The following IGSF11 variants were observed in gnomAD, a reference collection of about 807,000 sequenced individuals.
IGSF11 encodes the protein immunoglobulin superfamily member 11, also known as CXADR like 1.
IGSF11 carries 22 observed loss-of-function variants against 41.0 expected under a neutral mutation model. The observed-to-expected ratio is 0.54, with a 90% CI of 0.38 to 0.77. The LOEUF is 0.77. Ranked by LOEUF, IGSF11 falls within the 30% of genes least tolerant of loss-of-function variation. The pLI, the probability that IGSF11 is intolerant of heterozygous loss-of-function variation, is 0.00. For synonymous variants in IGSF11, 219 were observed against 201.3 expected (o/e 1.09, Z -0.74); for missense variants, 444 against 530.8 (o/e 0.84, Z 1.61).
chr3:118,961,015 T>C (rs1235438805), intron 1 of IGSF11, among the ~76,000 whole-genome samples: 1 of 152,144 alleles, frequency 6.6e-6, no homozygotes, highest in Non-Finnish European at 1.5e-5. Flanking sequence ...GTTTAAATGA[T>C]CCCCTTTGGA....
intron 1 of IGSF11, among the ~76,000 whole-genome samples, chr3:118,987,349 A>G (rs149739369): frequency 3.4e-4 from 52 of 152,308 alleles, no homozygotes; most frequent in Non-Finnish European, 4.4e-4. Flanking sequence ...CACGACACCC[A>G]CATATATTCT....
chr3:118,905,608 G>A lies in IGSF11; in HGVS notation c.691C>T (p.Gln231Ter). ...TCCATATGCTTACGTGAAATAACCT[G>A]GAGATCCAGAAGACAGGTGCTGGTT... ...IGTSTCLLDLQVISPQPRNIG... is the reference protein window; with the variant it reads ...IGTSTCLLDL The change falls in exon 5 of 7, where the codon CAG becomes TAG. Residue 231 changes from glutamine to a stop codon, truncating the protein, a stop_gained. Coordinates refer to ENST00000393775, the MANE Select transcript of IGSF11 (RefSeq NM_001015887.3). LOFTEE classifies it high-confidence loss of function. The A allele has an allele frequency of 6.2e-7, 1 of 1,613,798 alleles. No individual in the cohort carries two copies. The highest frequency in any genetic ancestry group is 8.5e-7 in the Non-Finnish European group (1 of 1,179,782).
intron 1 of IGSF11, among the ~76,000 whole-genome samples, chr3:119,095,770 T>C (rs1240032429): frequency 6.6e-6 from 1 of 152,162 alleles, no homozygotes; most frequent in Non-Finnish European, 1.5e-5. Context: ...TTCAGCACTT[T>C]CACAGTTAGC....
At chr3:119,048,744 C>G (rs531939706) in intron 1 of IGSF11, among the ~76,000 whole-genome samples, 14 of 152,016 alleles carry the variant, frequency 9.2e-5, no homozygotes, top group Non-Finnish European at 1.3e-4. Context: ...TGCAAAAATC[C>G]TCAATAAAAT....
intron 1 of IGSF11, among the ~76,000 whole-genome samples, chr3:119,070,030 T>C (rs1453929090): frequency 1.3e-5 from 2 of 152,188 alleles, no homozygotes; most frequent in African/African-American, 2.4e-5. Context: ...TTGGGAAATA[T>C]ATTCCGTTTA....
chr3:119,111,116 T>C (rs556231622), intron 1 of IGSF11, among the ~76,000 whole-genome samples: 1 of 152,200 alleles, frequency 6.6e-6, no homozygotes, highest in African/African-American at 2.4e-5. Context: ...TCTCTGTATT[T>C]CCTGTATCTG....
intron 1 of IGSF11, among the ~76,000 whole-genome samples, chr3:119,058,536 C>G (rs567025475): frequency 0.013 from 2,004 of 152,260 alleles, 46 homozygotes; most frequent in African/African-American, 0.045. Context: ...GGACTGTAAA[C>G]TAGTTCAACC....
chr3:118,976,066 T>C (rs1934065096), intron 1 of IGSF11, among the ~76,000 whole-genome samples: 1 of 152,128 alleles, frequency 6.6e-6, no homozygotes, highest in Non-Finnish European at 1.5e-5. Flanking sequence ...AACCGATACA[T>C]GAAATAGAAG....
chr3:119,001,155 G>A (rs916697478), intron 1 of IGSF11, among the ~76,000 whole-genome samples: 7 of 151,206 alleles, frequency 4.6e-5, no homozygotes, highest in Non-Finnish European at 8.8e-5. Flanking sequence ...TCCTTCAATT[G>A]GCACTTAGTC....
At chr3:119,007,339 A>G (rs1937569954) in intron 1 of IGSF11, among the ~76,000 whole-genome samples, 2 of 139,290 alleles carry the variant, frequency 1.4e-5, no homozygotes, top group Non-Finnish European at 3.0e-5. Context: ...CGGTGCGCGC[A>G]CTCACTGGCC....
chr3:118,983,923 C>T (rs1361940316), intron 1 of IGSF11, among the ~76,000 whole-genome samples: 1 of 152,018 alleles, frequency 6.6e-6, no homozygotes. Flanking sequence ...TGGCACATTT[C>T]CTCTCAGGTC....
chr3:119,056,723 A>G (rs1055824327), intron 1 of IGSF11, among the ~76,000 whole-genome samples: 1 of 152,214 alleles, frequency 6.6e-6, no homozygotes, highest in Non-Finnish European at 1.5e-5. Context: ...AAAAGTCTCA[A>G]TAAAATACTG....
chr3:118,973,366 A>C (rs1276307234), intron 1 of IGSF11, among the ~76,000 whole-genome samples: 1 of 152,198 alleles, frequency 6.6e-6, no homozygotes, highest in Non-Finnish European at 1.5e-5. Context: ...GTCCCCTCAA[A>C]ACTAGGGAAA....
chr3:118,993,718 C>T (rs1015922247), intron 1 of IGSF11, among the ~76,000 whole-genome samples: 23 of 152,170 alleles, frequency 1.5e-4, no homozygotes, highest in African/African-American at 4.1e-4. Flanking sequence ...ATGGATGAAC[C>T]TTGAAAACAT....
chr3:118,984,484 G>A (rs945308056), intron 1 of IGSF11, among the ~76,000 whole-genome samples: 4 of 152,250 alleles, frequency 2.6e-5, no homozygotes, highest in Non-Finnish European at 5.9e-5. Flanking sequence ...TATGAATTGG[G>A]AGTAGGGTAT....
intron 1 of IGSF11, among the ~76,000 whole-genome samples, chr3:119,123,007 G>T (rs2077353970): frequency 6.6e-6 from 1 of 152,178 alleles, no homozygotes; most frequent in Admixed American, 6.5e-5. Context: ...TTAGGTACTA[G>T]CTCAGCCACA....
At chr3:118,904,452 T>C (rs1314135677) in intron 6 of IGSF11, among the ~76,000 whole-genome samples, 196 bp downstream of exon 6, 1 of 152,134 alleles carries the variant, frequency 6.6e-6, no homozygotes, top group East Asian at 1.9e-4. Context: ...GCTGGACCTT[T>C]CCCTCCTTCA....
rs189993578 is a variant in IGSF11, at chr3:118,987,898, A to G, written c.52+46633T>C. ...ACCACAACTTTCATCTGTTTTACAC[A>G]TGCATATGACTGATCACCATTACTC... On this transcript the variant is annotated intron_variant, in intron 1 of 6. Coordinates refer to ENST00000393775, the MANE Select transcript of IGSF11 (RefSeq NM_001015887.3). Among the ~76,000 whole-genome samples, 12 of 152,354 alleles carry G rather than the reference A, an allele frequency of 7.9e-5. 1 individual carries two copies. The highest frequency in any genetic ancestry group is 2.6e-4 in the African/African-American group (11 of 41,586).
At chr3:119,017,939 T>C (rs1200209238) in intron 1 of IGSF11, among the ~76,000 whole-genome samples, 1 of 151,924 alleles carries the variant, frequency 6.6e-6, no homozygotes, top group South Asian at 2.1e-4. Context: ...TGCGCCACCA[T>C]GCCCAACTAA....
Sources: allele counts gnomAD v4.1 joint callset (sites outside exome capture counted in the v4.1 genomes callset), GRCh38; gene constraint gnomAD v4.1.1; transcripts MANE v1.5; gene names NCBI Gene and HGNC (gene_info 2026-07-23, HGNC 2026-07-21).